The following NEDD4 variants were observed in gnomAD, a reference collection of about 807,000 sequenced individuals.
NEDD4 encodes the protein E3 ubiquitin-protein ligase NEDD4.
Under a neutral mutation model 144.9 loss-of-function variants are expected in NEDD4, and 99 were observed. The observed-to-expected ratio is 0.68, with a 90% CI of 0.58 to 0.81. NEDD4 has a LOEUF of 0.81. Among genes scored for constraint, NEDD4 ranks in the 30% least tolerant of loss-of-function variants. The pLI is 0.00. For missense variants in NEDD4, 985 were observed against 1,065.9 expected, an observed-to-expected ratio of 0.92 and a Z score of 1.06; for synonymous variants, 318 against 350.6, an observed-to-expected ratio of 0.91 and a Z score of 1.04.
chr15:55,962,758 T>C (rs2037445972), intron 2 of NEDD4, among the ~76,000 whole-genome samples: 1 of 151,776 alleles, frequency 6.6e-6, no homozygotes, highest in South Asian at 2.1e-4. Flanking sequence ...TTACTTTTTT[T>C]GTTCATTTGT....
chr15:55,894,292 A>G (rs1201100306), intron 5 of NEDD4, among the ~76,000 whole-genome samples: 1 of 152,244 alleles, frequency 6.6e-6, no homozygotes, highest in Non-Finnish European at 1.5e-5. Context: ...CAGCACAAGT[A>G]TTTACATAGT....
At chr15:55,839,302 T>A (rs552120907) in intron 21 of NEDD4, among the ~76,000 whole-genome samples, 132 of 152,302 alleles carry the variant, frequency 8.7e-4, no homozygotes, top group Non-Finnish European at 1.6e-3. Context: ...GTGCTGGGAT[T>A]ACAGTTGCAC....
At chr15:55,929,922 G>A (rs1595854003) in intron 4 of NEDD4, among the ~76,000 whole-genome samples, 1 of 152,142 alleles carries the variant, frequency 6.6e-6, no homozygotes, top group East Asian at 1.9e-4. Flanking sequence ...AAAAAGAAGT[G>A]CTGGAATGAA....
intron 1 of NEDD4, among the ~76,000 whole-genome samples, chr15:55,972,160 T>C (rs1307255649): frequency 3.3e-5 from 5 of 152,152 alleles, no homozygotes; most frequent in Admixed American, 3.3e-4. Flanking sequence ...AGGATATTAA[T>C]AAGCGATAAG....
In NEDD4 at chr15:55,844,535, T is replaced by A. The variant is rs562968705; in HGVS notation, c.1609-2372A>T. Among the ~76,000 whole-genome samples the A allele has an allele frequency of 3.9e-5, 6 of 152,252 alleles. No homozygotes were observed. In the East Asian group the frequency reaches 1.2e-3, roughly 29 times the overall value. On this transcript the variant is annotated intron_variant, in intron 18 of 28. Transcript: ENST00000435532. ...CAAGTGCATGCATTCTGGAATCTGG[T>A]CCTGTGTTATTGACTCCACCATTCA...
At chr15:55,912,260 G>A (rs1369606133) in intron 5 of NEDD4, among the ~76,000 whole-genome samples, 5 of 152,004 alleles carry the variant, frequency 3.3e-5, no homozygotes, top group African/African-American at 4.8e-5. Context: ...ATTAAAGTAA[G>A]TATATATTTA....
intron 1 of NEDD4, among the ~76,000 whole-genome samples, chr15:55,976,669 G>T (rs2142348035): frequency 6.7e-6 from 1 of 148,970 alleles, no homozygotes; most frequent in South Asian, 2.1e-4. Flanking sequence ...TCGCTCTGTG[G>T]CCCAGGCTGG....
intron 8 of NEDD4, among the ~76,000 whole-genome samples, chr15:55,864,666 GA>G: frequency 7.3e-6 from 1 of 136,684 alleles, no homozygotes; most frequent in Non-Finnish European, 1.5e-5. Flanking sequence ...TGGACAACAA[GA>G]GTGAAACTCT....
intron 5 of NEDD4, among the ~76,000 whole-genome samples, chr15:55,877,933 T>C (rs1359561933): frequency 3.3e-5 from 5 of 152,168 alleles, no homozygotes; most frequent in Non-Finnish European, 7.4e-5. Context: ...CTCAATTTTT[T>C]TGTGTACTTC....
chr15:55,956,683 C>G (rs1220724406), intron 2 of NEDD4, among the ~76,000 whole-genome samples: 1 of 152,178 alleles, frequency 6.6e-6, no homozygotes, highest in Non-Finnish European at 1.5e-5. Context: ...TATTCTCATG[C>G]CACTGCCACT....
At chr15:55,923,094 G>T (rs879703876) in intron 5 of NEDD4, among the ~76,000 whole-genome samples, 1 of 152,096 alleles carries the variant, frequency 6.6e-6, no homozygotes, top group Admixed American at 6.5e-5. Flanking sequence ...TGAGGCAGGA[G>T]AATAGCTTGA....
intron 1 of NEDD4, among the ~76,000 whole-genome samples, chr15:55,971,754 G>T (rs1267501650): frequency 2.6e-5 from 4 of 152,104 alleles, no homozygotes; most frequent in South Asian, 2.1e-4. Context: ...TTCAGGCACA[G>T]AAAGGTTATA....
intron 1 of NEDD4, among the ~76,000 whole-genome samples, chr15:55,977,196 A>C (rs2037718006): frequency 6.6e-6 from 1 of 152,232 alleles, no homozygotes; most frequent in African/African-American, 2.4e-5. Context: ...ATTTTGGCCA[A>C]TGATGGACAG....
At chr15:55,863,124 T>C (rs759739298) in intron 8 of NEDD4, 45 bp from the exon 9 acceptor site, 9 of 1,460,590 alleles carry the variant, frequency 6.2e-6, no homozygotes, top group Non-Finnish European at 8.2e-6. Context: ...ATGATTTTTT[T>C]AACTTTCTAA....
At chr15:55,876,691 C>T (rs1037161884) in intron 5 of NEDD4, among the ~76,000 whole-genome samples, 4 of 152,152 alleles carry the variant, frequency 2.6e-5, no homozygotes, top group Admixed American at 2.0e-4. Context: ...ATAAACTGCA[C>T]ATTCTGAGAG....
chr15:55,929,477 CCCT>C (rs148947752), intron 4 of NEDD4, among the ~76,000 whole-genome samples: 4,290 of 152,018 alleles, frequency 0.028, 70 homozygotes, highest in Non-Finnish European at 0.035. Context: ...TCTATCCTCA[CCCT>C]CCTCCTCTCC....
chr15:55,871,033 C>T (rs561746863), intron 7 of NEDD4, among the ~76,000 whole-genome samples: 121 of 152,134 alleles, frequency 8.0e-4, no homozygotes, highest in Non-Finnish European at 1.3e-3. Flanking sequence ...TACCCCCACT[C>T]CCAAGCCTCC....
chr15:55,905,709 C>T (rs1232243781), intron 5 of NEDD4, among the ~76,000 whole-genome samples: 4 of 152,194 alleles, frequency 2.6e-5, no homozygotes, highest in Non-Finnish European at 4.4e-5. Flanking sequence ...CCTTCGCCCA[C>T]TTGTTGATGG....
chr15:55,835,658 T>G (rs890122094), intron 24 of NEDD4, among the ~76,000 whole-genome samples: 18 of 152,296 alleles, frequency 1.2e-4, no homozygotes, highest in African/African-American at 4.3e-4. Context: ...GCCATTCAAA[T>G]GCACATGCAG....
Sources: allele counts gnomAD v4.1 joint callset (sites outside exome capture counted in the v4.1 genomes callset), GRCh38; gene constraint gnomAD v4.1.1; transcripts MANE v1.5; gene names NCBI Gene and HGNC (gene_info 2026-07-23, HGNC 2026-07-21).